ACMSD: variants seen among roughly 807,000 people sequenced by gnomAD.
The protein encoded by ACMSD is 2-amino-3-carboxymuconate-6-semialdehyde decarboxylase.
A neutral mutation model predicts 45.9 loss-of-function variants in ACMSD; 37 were observed. That is an observed-to-expected ratio of 0.81 (90% confidence interval 0.62 to 1.06). The LOEUF is 1.06. ACMSD is among the 50% of genes least tolerant of loss of function. The pLI, the probability that ACMSD is intolerant of heterozygous loss-of-function variation, is 0.00. For synonymous variants in ACMSD, 138 were observed against 148.8 expected (o/e 0.93, Z 0.53); for missense variants, 434 against 420.9 (o/e 1.03, Z -0.27).
intron 1 of ACMSD, 111 bp downstream of exon 1, chr2:134,838,850 G>C: frequency 1.4e-6 from 1 of 735,060 alleles, no homozygotes; most frequent in Non-Finnish European, 2.2e-6. Context: ...GGTGGGGGGC[G>C]AGGGGGTTAA....
chr2:134,843,979 C>T (rs78286796), intron 1 of ACMSD, among the ~76,000 whole-genome samples: 2,856 of 152,280 alleles, frequency 0.019, 105 homozygotes, highest in East Asian at 0.13. Context: ...CCTTGCCTAC[C>T]CCAGCCTTAA....
At position 134,852,980 on chromosome 2, in the gene ACMSD, T is replaced by C. The variant is rs909058990; in HGVS notation, c.103-6281T>C. Among the ~76,000 whole-genome samples, 43 of 151,960 alleles carry C rather than the reference T, an allele frequency of 2.8e-4. 1 individual carries two copies. The highest frequency in any genetic ancestry group is 5.9e-5 in the Non-Finnish European group (4 of 67,932). On this transcript the variant is annotated intron_variant, in intron 2 of 9. Transcript: ENST00000356140. ...GAGTTTGAGACCAGCCTGGCCATCA[T>C]GGTGAAACCCCGTCTCTACTAAAAA...
intron 8 of ACMSD, among the ~76,000 whole-genome samples, chr2:134,886,246 A>ATTATTATTATTATTTTTT: frequency 2.6e-5 from 3 of 115,470 alleles, no homozygotes; most frequent in African/African-American, 1.1e-4. Context: ...TATTATTATT[A>ATTATTATTATTATTTTTT]TTTTTTTTTT....
chr2:134,840,041 T>C (rs1218287200), intron 1 of ACMSD, among the ~76,000 whole-genome samples: 1 of 151,796 alleles, frequency 6.6e-6, no homozygotes, highest in African/African-American at 2.4e-5. Context: ...AATGATGCAA[T>C]GAACACATTG....
At position 134,897,437 on chromosome 2, in the gene ACMSD, A is replaced by AT. The variant is rs11375685; in HGVS notation, c.850-901dup. ...ATGTAAGTATTCTTTATTCTTTTCT[A>AT]TTTGGAGATATTCTGTAATTTAATT... On this transcript the variant is annotated intron_variant, in intron 8 of 9. Transcript: ENST00000356140. 0.02 allele frequency among the ~76,000 whole-genome samples: 3,049 copies of AT among 152,072 alleles called. 219 individuals are homozygous for AT. In the East Asian group the frequency reaches 0.29, roughly 14 times the overall value.
chr2:134,851,344 T>A (rs769062592), intron 2 of ACMSD, among the ~76,000 whole-genome samples: 5 of 152,220 alleles, frequency 3.3e-5, no homozygotes, highest in African/African-American at 1.2e-4. Context: ...GATCACTAGG[T>A]TGAATGGCAA....
In ACMSD at chr2:134,863,645, C is replaced by T. The variant is rs753220277; in HGVS notation, c.486+14C>T. 12 of 1,612,740 alleles carry T rather than the reference C, an allele frequency of 7.4e-6. No individual in the cohort carries two copies. Among genetic ancestry groups the T allele is most frequent in the Non-Finnish European group, 1.0e-5 (12 of 1,179,472 alleles). ...CCTGTCTATGCGGTGAGTAGCGGGG[C>T]TGCTCAGCCAACGCCAGCCGCCCAG... On this transcript the variant is annotated intron_variant, in intron 5 of 9. Coordinates refer to ENST00000356140, the MANE Select transcript of ACMSD (RefSeq NM_138326.3).
chr2:134,847,469 G>C (rs1474874676), intron 2 of ACMSD, among the ~76,000 whole-genome samples: 1 of 151,924 alleles, frequency 6.6e-6, no homozygotes, highest in Non-Finnish European at 1.5e-5. Context: ...GATAGAGATA[G>C]ATATATATAC....
intron 8 of ACMSD, among the ~76,000 whole-genome samples, chr2:134,876,269 ATAAAT>A (rs1327683070): frequency 6.6e-6 from 1 of 152,164 alleles, no homozygotes; most frequent in Non-Finnish European, 1.5e-5. Flanking sequence ...TTCTTCAATA[ATAAAT>A]TAAATTTAGC....
intron 6 of ACMSD, among the ~76,000 whole-genome samples, chr2:134,870,276 T>G (rs1688366411): frequency 6.6e-6 from 1 of 152,198 alleles, no homozygotes. Context: ...CTTGAAATAA[T>G]TCATTTTAAT....
intron 1 of ACMSD, among the ~76,000 whole-genome samples, chr2:134,839,123 C>A (rs914849434): frequency 6.6e-6 from 1 of 152,076 alleles, no homozygotes; most frequent in African/African-American, 2.4e-5. Flanking sequence ...GGAATGTGAT[C>A]GGTTTCAAGG....
At chr2:134,838,908 T>C (rs1468473771) in intron 1 of ACMSD, among the ~76,000 whole-genome samples, 169 bp downstream of exon 1, 2 of 152,364 alleles carry the variant, frequency 1.3e-5, no homozygotes, top group African/African-American at 4.8e-5. Flanking sequence ...GACTTTTATA[T>C]TTATTTTGAA....
At chr2:134,867,817 C>G in intron 6 of ACMSD, 145 bp downstream of exon 6, 1 of 550,312 alleles carries the variant, frequency 1.8e-6, no homozygotes. Context: ...TGAGCTCTTA[C>G]TTGGATTAAT....
chr2:134,879,771 T>C (rs781290198), intron 8 of ACMSD, among the ~76,000 whole-genome samples: 5 of 152,200 alleles, frequency 3.3e-5, no homozygotes, highest in Non-Finnish European at 7.4e-5. Flanking sequence ...TTCAGACGCA[T>C]AGACTAACAC....
At chr2:134,864,040 G>A (rs1687977982) in intron 5 of ACMSD, among the ~76,000 whole-genome samples, 1 of 152,040 alleles carries the variant, frequency 6.6e-6, no homozygotes, top group Non-Finnish European at 1.5e-5. Context: ...AGGCCCAGGT[G>A]GGCGGATCAC....
At chr2:134,884,404 A>G (rs1319303924) in intron 8 of ACMSD, among the ~76,000 whole-genome samples, 1 of 152,224 alleles carries the variant, frequency 6.6e-6, no homozygotes, top group Non-Finnish European at 1.5e-5. Flanking sequence ...TATATCCAAG[A>G]AGGCCATAAT....
intron 8 of ACMSD, among the ~76,000 whole-genome samples, chr2:134,892,487 A>G (rs1488867296): frequency 6.6e-6 from 1 of 151,924 alleles, no homozygotes; most frequent in Non-Finnish European, 1.5e-5. Flanking sequence ...ATAAATAAAT[A>G]AATAAATAAA....
At chr2:134,849,565 CAGGA>C (rs1687233485) in intron 2 of ACMSD, among the ~76,000 whole-genome samples, 1 of 152,178 alleles carries the variant, frequency 6.6e-6, no homozygotes, top group South Asian at 2.1e-4. Context: ...GTTCTGCCCC[CAGGA>C]TTGACTTACC....
At chr2:134,881,676 C>T (rs1028986194) in intron 8 of ACMSD, among the ~76,000 whole-genome samples, 25 of 152,268 alleles carry the variant, frequency 1.6e-4, no homozygotes, top group African/African-American at 5.1e-4. Flanking sequence ...CCATACCATA[C>T]GTATTAGAAA....
Sources: allele counts gnomAD v4.1 joint callset (sites outside exome capture counted in the v4.1 genomes callset), GRCh38; gene constraint gnomAD v4.1.1; transcripts MANE v1.5; gene names NCBI Gene and HGNC (gene_info 2026-07-23, HGNC 2026-07-21).